Variants in NTRK2 observed in about 807,000 individuals in gnomAD.
The protein encoded by NTRK2 is neurotrophic receptor tyrosine kinase 2, also known as BDNF/NT-3 growth factors receptor.
A neutral mutation model predicts 94.5 loss-of-function variants in NTRK2; 13 were observed. The observed-to-expected ratio is 0.14, with a 90% confidence interval of 0.09 to 0.22. The LOEUF (loss-of-function observed/expected upper bound fraction) is 0.22. Among genes scored for constraint, NTRK2 ranks in the 10% least tolerant of loss-of-function variants. The pLI is 1.00. For synonymous variants in NTRK2, 372 were observed against 407.4 expected (o/e 0.91, Z 1.05); for missense variants, 639 against 1,071.2 (o/e 0.60, Z 5.63).
intron 12 of NTRK2, among the ~76,000 whole-genome samples, chr9:84,769,363 G>A (rs1161370131): frequency 6.6e-6 from 1 of 152,054 alleles, no homozygotes; most frequent in Admixed American, 6.6e-5. Flanking sequence ...TACCCAATTG[G>A]CTGTCTCCAT....
chr9:84,936,806 C>A lies in NTRK2; in HGVS notation c.1764+2514C>A, dbSNP rs184385989. On this transcript the variant is annotated intron_variant, in intron 15 of 18. Coordinates refer to ENST00000277120, the MANE Select transcript of NTRK2 (RefSeq NM_006180.6). ...AGTGCCTGCAGACTAAAAATTCATT[C>A]TAACTTCATGGTCACAAACTTAAGA... Among the ~76,000 whole-genome samples the A allele has an allele frequency of 2.0e-5, 3 of 152,252 alleles. No individual in the cohort carries two copies. The East Asian group carries it at 5.8e-4, about 29-fold the overall frequency.
At position 85,021,732 on chromosome 9, in the gene NTRK2, T is replaced by C. The variant is rs879135486; in HGVS notation, c.*295T>C. ...TTTTTTCGTCTTCCCTGCTTCACGA[T>C]TCTTACCCTTTCTTTTGAATCAATC... On this transcript the variant is annotated 3_prime_UTR_variant, in exon 19 of 19. Coordinates refer to ENST00000277120, the MANE Select transcript of NTRK2 (RefSeq NM_006180.6). The C allele has an allele frequency of 4.0e-5, 18 of 452,748 alleles. No homozygotes were observed. In the South Asian group the frequency reaches 4.1e-4, roughly 10 times the overall value. The allele number at this position is 452,748 out of a possible 1,614,324, so 28.0% of individuals were successfully genotyped here.
chr9:84,931,981 C>T (rs931753743), intron 14 of NTRK2, among the ~76,000 whole-genome samples: 3 of 152,156 alleles, frequency 2.0e-5, no homozygotes, highest in Non-Finnish European at 4.4e-5. Flanking sequence ...TTCTTATATT[C>T]ATCAATATTG....
chr9:84,765,629 TCC>T (rs1309000802), intron 12 of NTRK2, among the ~76,000 whole-genome samples: 1 of 152,084 alleles, frequency 6.6e-6, no homozygotes, highest in Non-Finnish European at 1.5e-5. Flanking sequence ...GTAAGAAGAC[TCC>T]ACAACACAAC....
At chr9:85,000,877 C>T (rs1454815093) in intron 17 of NTRK2, among the ~76,000 whole-genome samples, 2 of 152,164 alleles carry the variant, frequency 1.3e-5, no homozygotes, top group Non-Finnish European at 2.9e-5. Flanking sequence ...GCATTCCAAC[C>T]AGTAATAAAT....
chr9:84,992,284 A>T (rs762318793), intron 17 of NTRK2, among the ~76,000 whole-genome samples: 5 of 151,978 alleles, frequency 3.3e-5, no homozygotes, highest in Non-Finnish European at 7.4e-5. Flanking sequence ...GACTACTTAC[A>T]TGGCCCAATG....
In NTRK2 at chr9:84,877,187, C is replaced by G. The variant is rs6559834; in HGVS notation, c.1633+9756C>G. The G allele has an allele frequency of 4.7e-6, 5 of 1,064,902 alleles. No individual in the cohort carries two copies. The African/African-American group carries it at 8.2e-5, about 17-fold the overall frequency. The allele number at this position is 1,064,902 out of a possible 1,614,324, so 66.0% of individuals were successfully genotyped here. ...GTTTTTAAGTAAAGTGGATCTTAGC[C>G]AGATTTGAGTCTAATGGCTGATTCA... On this transcript the variant is annotated intron_variant, in intron 14 of 18. Coordinates refer to ENST00000277120, the MANE Select transcript of NTRK2 (RefSeq NM_006180.6).
At chr9:85,007,959 G>A (rs1250775328) in intron 17 of NTRK2, among the ~76,000 whole-genome samples, 2 of 152,142 alleles carry the variant, frequency 1.3e-5, no homozygotes, top group Non-Finnish European at 2.9e-5. Context: ...GGGGCATTGT[G>A]GCTAACACCT....
chr9:84,730,986 C>G (rs941749368), intron 9 of NTRK2, among the ~76,000 whole-genome samples: 1 of 152,018 alleles, frequency 6.6e-6, no homozygotes, highest in Admixed American at 6.6e-5. Flanking sequence ...AGATCCCCCC[C>G]TTCCCTTTTT....
In NTRK2 at chr9:84,880,910, G is replaced by T. The variant is rs1346849470; in HGVS notation, c.1633+13479G>T. Reference sequence around the variant, plus strand: ...TTGGAGTATGAATTATTCAAATGTAGTTCAAAGTCCATTGTGACAAGTAAT... The same window carrying T: ...TTGGAGTATGAATTATTCAAATGTATTTCAAAGTCCATTGTGACAAGTAAT... On this transcript the variant is annotated intron_variant, in intron 14 of 18. Coordinates refer to ENST00000277120, the MANE Select transcript of NTRK2 (RefSeq NM_006180.6). Among the ~76,000 whole-genome samples the T allele has an allele frequency of 2.0e-5, 3 of 152,284 alleles. No individual in the cohort carries two copies. In the East Asian group the frequency reaches 5.8e-4, roughly 29 times the overall value.
At chr9:84,842,500 G>A (rs1000725260) in intron 12 of NTRK2, among the ~76,000 whole-genome samples, 1 of 152,272 alleles carries the variant, frequency 6.6e-6, no homozygotes, top group Middle Eastern at 3.4e-3. Flanking sequence ...CAGGCTCACA[G>A]GTATCTGACT....
chr9:84,855,157 G>A (rs1043319513), intron 12 of NTRK2, among the ~76,000 whole-genome samples: 5 of 152,108 alleles, frequency 3.3e-5, no homozygotes, highest in East Asian at 1.9e-4. Context: ...AGGAGAAACC[G>A]TTGGAGGATG....
chr9:84,859,413 C>T (rs1256221041), intron 12 of NTRK2, among the ~76,000 whole-genome samples: 1 of 152,162 alleles, frequency 6.6e-6, no homozygotes, highest in Non-Finnish European at 1.5e-5. Flanking sequence ...TATTGAGAAC[C>T]TTCACAATAT....
At chr9:84,744,673 C>T (rs1385751306) in intron 10 of NTRK2, among the ~76,000 whole-genome samples, 1 of 152,132 alleles carries the variant, frequency 6.6e-6, no homozygotes, top group Non-Finnish European at 1.5e-5. Context: ...TTTAAATATG[C>T]CATCCATAAA....
chr9:84,938,631 T>G (rs945709067), intron 15 of NTRK2, among the ~76,000 whole-genome samples: 1 of 152,204 alleles, frequency 6.6e-6, no homozygotes, highest in Non-Finnish European at 1.5e-5. Flanking sequence ...AGGATGGCAA[T>G]AGTGCCTTTT....
At chr9:84,871,965 G>T (rs1372796235) in intron 14 of NTRK2, 6 of 1,579,278 alleles carry the variant, frequency 3.8e-6, no homozygotes, top group African/African-American at 1.3e-5. Flanking sequence ...CCATAACCTA[G>T]CCAAGCAAGA....
At chr9:84,754,361 T>A (rs2064895041) in intron 12 of NTRK2, among the ~76,000 whole-genome samples, 1 of 152,086 alleles carries the variant, frequency 6.6e-6, no homozygotes, top group Non-Finnish European at 1.5e-5. Flanking sequence ...ATCTGGGGCA[T>A]GATGTGAATA....
chr9:84,765,616 C>T (rs2065955024), intron 12 of NTRK2, among the ~76,000 whole-genome samples: 1 of 152,122 alleles, frequency 6.6e-6, no homozygotes. Flanking sequence ...GAAACTAAGA[C>T]TTGTAAGAAG....
chr9:84,864,736 C>CTTTTTTTTT (rs71369154), intron 13 of NTRK2, among the ~76,000 whole-genome samples: 2 of 104,590 alleles, frequency 1.9e-5, no homozygotes, highest in Non-Finnish European at 3.7e-5. Context: ...TCTTAATTTT[C>CTTTTTTTTT]TTTTTTTTTT....
Sources: gnomAD v4.1 joint callset for allele counts (sites outside exome capture counted in the v4.1 genomes callset) on GRCh38, gnomAD v4.1.1 for gene constraint, MANE v1.5 for transcripts, NCBI Gene and HGNC (gene_info 2026-07-23, HGNC 2026-07-21) for gene names.